The following MDN1 variants were observed in gnomAD, a reference collection of about 807,000 sequenced individuals.
MDN1 encodes the protein midasin.
A neutral mutation model predicts 669.2 loss-of-function variants in MDN1; 266 were observed. The ratio of observed to expected loss-of-function variants is 0.40; its 90% CI spans 0.36 to 0.44. MDN1 has a LOEUF of 0.44. Ranked by LOEUF, MDN1 falls within the 20% of genes least tolerant of loss-of-function variation. The pLI is 1.00. For missense variants in MDN1, 5,940 were observed against 6,754.0 expected, an observed-to-expected ratio of 0.88 and a Z score of 4.22; for synonymous variants, 2,385 against 2,457.1, an observed-to-expected ratio of 0.97 and a Z score of 0.87.
intron 9 of MDN1, among the ~76,000 whole-genome samples, chr6:89,783,974 T>A: frequency 1.4e-5 from 2 of 142,270 alleles, no homozygotes; most frequent in Non-Finnish European, 1.5e-5. Flanking sequence ...ATAAAAAGAC[T>A]CCATCTCAAA....
intron 44 of MDN1, among the ~76,000 whole-genome samples, chr6:89,716,300 G>A (rs1165601722): frequency 6.6e-6 from 1 of 152,184 alleles, no homozygotes; most frequent in Non-Finnish European, 1.5e-5. Context: ...CCTGCCCTGT[G>A]TCAGACCCTG....
At chr6:89,768,598 G>A (rs1046791827) in intron 15 of MDN1, among the ~76,000 whole-genome samples, 5 of 152,094 alleles carry the variant, frequency 3.3e-5, no homozygotes, top group Admixed American at 2.0e-4. Context: ...TTAGCTAAGC[G>A]TGGTGGTGCA....
intron 53 of MDN1, among the ~76,000 whole-genome samples, chr6:89,702,729 T>C (rs897038835): frequency 6.6e-6 from 1 of 152,256 alleles, no homozygotes; most frequent in Non-Finnish European, 1.5e-5. Context: ...TAAAGGTATC[T>C]ATGAAGAATA....
intron 23 of MDN1, 135 bp from the exon 24 acceptor site, chr6:89,750,667 A>G: frequency 1.2e-6 from 1 of 858,026 alleles, no homozygotes; most frequent in Non-Finnish European, 1.8e-6. Flanking sequence ...TGGTGGTGCA[A>G]TCATAGCTCA....
intron 97 of MDN1, 42 bp downstream of exon 97, chr6:89,649,982 G>A (rs1018485961): frequency 1.1e-5 from 17 of 1,603,204 alleles, no homozygotes; most frequent in Non-Finnish European, 1.3e-5. Flanking sequence ...ATAGCTTGAT[G>A]TTAATTTCCT....
At chr6:89,700,947 A>G (rs1171889903) in intron 55 of MDN1, 91 bp from the exon 56 acceptor site, 10 of 1,040,756 alleles carry the variant, frequency 9.6e-6, no homozygotes, top group African/African-American at 1.6e-5. Flanking sequence ...AATTTATGAT[A>G]TATTCTTAAT....
chr6:89,785,224 G>T (rs989263807), intron 8 of MDN1, 98 bp from the exon 9 acceptor site: 1 of 780,942 alleles, frequency 1.3e-6, no homozygotes, highest in African/African-American at 1.7e-5. Context: ...TCTCACATAG[G>T]AAAAATATTC....
intron 86 of MDN1, 116 bp from the exon 87 acceptor site, chr6:89,662,355 C>G: frequency 9.5e-7 from 1 of 1,052,746 alleles, no homozygotes; most frequent in Non-Finnish European, 1.3e-6. Flanking sequence ...CCATGGATGG[C>G]TGATAAAGTG....
In MDN1 at chr6:89,695,796, G is replaced by C. The variant is rs753599748; in HGVS notation, c.9580C>G (p.Leu3194Val). 1.1e-5 allele frequency: 17 copies of C among 1,613,672 alleles called. No individual in the cohort carries two copies. The highest frequency in any genetic ancestry group is 1.7e-5 in the Admixed American group (1 of 60,024). Residue 3194 changes from leucine to valine, a missense_variant, in exon 61 of 102, where the codon CTC becomes GTC. Leu to Val is a conservative substitution (Grantham distance 32, BLOSUM62 1). Coordinates refer to ENST00000369393, the MANE Select transcript of MDN1 (RefSeq NM_014611.3). The surrounding 1 kb of genome is among the most constrained non-coding windows in gnomAD (Gnocchi z 4.1). ...AGQEVLPKELLCQLLTSLHHF... is the reference protein window; with the variant it reads ...AGQEVLPKELVCQLLTSLHHF... ...TGCAGGGAGGTGAGCAACTGGCAGA[G>C]CAGTTCCTTGGGCAGCACCTCCTGA...
intron 45 of MDN1, among the ~76,000 whole-genome samples, chr6:89,715,136 T>C (rs1176483333): frequency 6.6e-6 from 1 of 152,214 alleles, no homozygotes; most frequent in African/African-American, 2.4e-5. Flanking sequence ...CTAGTTATCT[T>C]ACACCTCTGA....
intron 84 of MDN1, among the ~76,000 whole-genome samples, chr6:89,665,881 A>C (rs1386339921): frequency 6.6e-6 from 1 of 151,766 alleles, no homozygotes; most frequent in African/African-American, 2.4e-5. Context: ...CTCTACTAAA[A>C]ATACAAAAAT....
intron 84 of MDN1, among the ~76,000 whole-genome samples, chr6:89,665,555 A>AAATTAG (rs1409424830): frequency 6.0e-5 from 9 of 151,144 alleles, no homozygotes; most frequent in Non-Finnish European, 4.4e-5. Flanking sequence ...ACATATACAA[A>AAATTAG]AATTAGCCAG....
intron 1 of MDN1, among the ~76,000 whole-genome samples, chr6:89,809,172 G>C (rs1285815015): frequency 7.1e-6 from 1 of 141,234 alleles, no homozygotes; most frequent in African/African-American, 2.7e-5. Context: ...AGCTGAGATC[G>C]TGCCCCTGCA....
chr6:89,684,821 G>A, intron 71 of MDN1, 55 bp downstream of exon 71: 1 of 1,162,214 alleles, frequency 8.6e-7, no homozygotes, highest in Non-Finnish European at 1.3e-6. Flanking sequence ...GTTAACGAAA[G>A]AGAATTTGCT....
chr6:89,722,947 A>C lies in MDN1; in HGVS notation c.5967+8T>G. 1 of 1,605,998 alleles carries C rather than the reference A, an allele frequency of 6.2e-7. No individual in the cohort carries two copies. The highest frequency in any genetic ancestry group is 8.5e-7 in the Non-Finnish European group (1 of 1,175,586). On this transcript the variant is annotated splice_region_variant and intron_variant, in intron 40 of 101. Coordinates refer to ENST00000369393, the MANE Select transcript of MDN1 (RefSeq NM_014611.3). Reference sequence around the variant, plus strand: ...GAAAGAAATACAAATACCAAGCGTGAAACTCACCTTTTTTTTGTCCTCTTC... The same window carrying C: ...GAAAGAAATACAAATACCAAGCGTGCAACTCACCTTTTTTTTGTCCTCTTC...
Position 89,781,193 on chromosome 6 carries a change from T to C in MDN1, c.1643+206A>G. The C allele has an allele frequency of 8.5e-6, 5 of 586,578 alleles. No individual in the cohort carries two copies. The South Asian group carries it at 1.0e-4, about 12-fold the overall frequency. 36.3% of individuals were successfully genotyped at this position (586,578 alleles called of 1,614,324 possible). On this transcript the variant is annotated intron_variant, in intron 10 of 101. Coordinates refer to ENST00000369393, the MANE Select transcript of MDN1 (RefSeq NM_014611.3). ...CCTTCCCAGTCATTAATTATAAATC[T>C]GAAAAAGGGATCTGACACCATGAAG...
intron 20 of MDN1, among the ~76,000 whole-genome samples, chr6:89,754,680 G>A (rs1250202993): frequency 2.0e-5 from 3 of 152,078 alleles, no homozygotes; most frequent in Non-Finnish European, 2.9e-5. Flanking sequence ...AGGAGGATAC[G>A]ATGGCCATTA....
intron 101 of MDN1, 103 bp from the exon 102 acceptor site, chr6:89,644,296 C>T: frequency 1.1e-6 from 1 of 924,538 alleles, no homozygotes; most frequent in Non-Finnish European, 1.6e-6. Flanking sequence ...TCTCCTGTGT[C>T]TTATTCCTGC....
At chr6:89,683,763 C>T (rs373081841) in intron 72 of MDN1, 68 bp downstream of exon 72, 20 of 1,155,062 alleles carry the variant, frequency 1.7e-5, no homozygotes, top group East Asian at 7.0e-5. Flanking sequence ...GTAACTATGT[C>T]GTTTTGCTCC....
Sources: gnomAD v4.1 joint callset for allele counts (sites outside exome capture counted in the v4.1 genomes callset) on GRCh38, gnomAD v4.1.1 for gene constraint, Gnocchi (gnomAD v3.1) non-coding constraint, MANE v1.5 for transcripts, NCBI Gene and HGNC (gene_info 2026-07-23, HGNC 2026-07-21) for gene names.